Variants in MYO10 observed in about 807,000 individuals in gnomAD.
MYO10 encodes myosin X, also known as unconventional myosin-X.
MYO10 carries 133 observed loss-of-function variants against 257.3 expected under a neutral mutation model. That is an observed-to-expected ratio of 0.52 (90% CI 0.45 to 0.60). The LOEUF is 0.60. Ranked by LOEUF, MYO10 falls within the 20% of genes least tolerant of loss-of-function variation. The probability of loss-of-function intolerance (pLI) is 0.00; values close to 1 mark genes in which losing one functional copy is unlikely to be tolerated. For synonymous variants in MYO10, 1,104 were observed against 1,028.6 expected (o/e 1.07, Z -1.40); for missense variants, 2,399 against 2,635.7 (o/e 0.91, Z 1.97).
chr5:16,674,549 GAACA>G (rs1191229533), intron 35 of MYO10, among the ~76,000 whole-genome samples: 1 of 146,644 alleles, frequency 6.8e-6, no homozygotes, highest in Non-Finnish European at 1.5e-5. Context: ...CTTTGATCTG[GAACA>G]AATATCCAAG....
Position 16,671,446 on chromosome 5 carries a change from C to T in MYO10, c.5406G>A (p.Val1802=). The change falls in exon 38 of 41, where the codon GTG becomes GTA. Residue 1802 remains valine (V), a synonymous_variant. Transcript: ENST00000513610. ...LDTDNVPKDS[V]EFAFMFEQAH... is the part of the protein sequence containing the mutation. The stretch of plus-strand genomic sequence containing the variant: ...CCTGTTCAAACATAAATGCAAACTC[C>T]ACACTGTCTTTTGGCACGTTGTCTG... The T allele has an allele frequency of 6.2e-7, 1 of 1,613,968 alleles. No individual in the cohort carries two copies. Among genetic ancestry groups the T allele is most frequent in the Non-Finnish European group, 8.5e-7 (1 of 1,179,866 alleles).
intron 19 of MYO10, among the ~76,000 whole-genome samples, chr5:16,720,139 C>T (rs1739093858): frequency 1.3e-5 from 2 of 152,048 alleles, no homozygotes; most frequent in Admixed American, 1.3e-4. Flanking sequence ...AATGCAGGCC[C>T]TTCCCAGATT....
intron 39 of MYO10, among the ~76,000 whole-genome samples, chr5:16,669,937 C>T (rs558181364): frequency 5.3e-5 from 8 of 152,284 alleles, no homozygotes; most frequent in African/African-American, 1.4e-4. Flanking sequence ...AAGGAATGAG[C>T]TTGGCTGTGT....
intron 19 of MYO10, among the ~76,000 whole-genome samples, chr5:16,730,922 G>A (rs935672021): frequency 6.6e-6 from 1 of 152,196 alleles, no homozygotes; most frequent in African/African-American, 2.4e-5. Flanking sequence ...GAGGTCGTGG[G>A]CTGTCATGGG....
At chr5:16,818,699 G>A (rs984446259) in intron 2 of MYO10, among the ~76,000 whole-genome samples, 34 of 151,660 alleles carry the variant, frequency 2.2e-4, no homozygotes, top group African/African-American at 8.2e-4. Context: ...TGGCCCCCCA[G>A]AAGTGCTGGG....
chr5:16,827,477 C>T (rs1460922722), intron 2 of MYO10, among the ~76,000 whole-genome samples: 2 of 152,002 alleles, frequency 1.3e-5, no homozygotes, highest in East Asian at 1.9e-4. Context: ...AGTAGAGATG[C>T]GGTTTCACCA....
chr5:16,818,408 G>GTATATATA (rs1561000890), intron 2 of MYO10, among the ~76,000 whole-genome samples: 9 of 93,472 alleles, frequency 9.6e-5, no homozygotes, highest in African/African-American at 3.7e-4. Flanking sequence ...GTGTGTGTGT[G>GTATATATA]TGTATATATA....
chr5:16,712,480 C>A (rs1738665220), intron 19 of MYO10, among the ~76,000 whole-genome samples: 1 of 152,018 alleles, frequency 6.6e-6, no homozygotes, highest in African/African-American at 2.4e-5. Flanking sequence ...TGTTGTTATC[C>A]CACACAACTG....
chr5:16,738,087 G>A (rs934265502), intron 19 of MYO10: 1 of 970,242 alleles, frequency 1.0e-6, no homozygotes, highest in Admixed American at 6.2e-5. Flanking sequence ...TGAGGCCAAA[G>A]CTTAGAGGAG....
intron 19 of MYO10, among the ~76,000 whole-genome samples, chr5:16,728,832 T>C (rs1477702091): frequency 6.6e-6 from 1 of 152,250 alleles, no homozygotes; most frequent in African/African-American, 2.4e-5. Context: ...TGCCTGTCCA[T>C]GGCAAGATGG....
chr5:16,666,620 G>T lies in MYO10; in HGVS notation c.*72C>A. On this transcript the variant is annotated 3_prime_UTR_variant, in exon 41 of 41. Transcript: ENST00000513610. Reference sequence around the variant, plus strand: ...TCTGTGTTTGTTTTGGCTGGGCATGGCACACTGGAGCCAGCCTAGGCCAGA... The same window carrying T: ...TCTGTGTTTGTTTTGGCTGGGCATGTCACACTGGAGCCAGCCTAGGCCAGA... 1 of 1,312,826 alleles carries T rather than the reference G, an allele frequency of 7.6e-7. No individual in the cohort carries two copies. The highest frequency in any genetic ancestry group is 1.0e-6 in the Non-Finnish European group (1 of 954,244). The allele number at this position is 1,312,826 out of a possible 1,614,324, so 81.3% of individuals were successfully genotyped here.
chr5:16,788,201 G>A lies in MYO10; in HGVS notation c.468-4732C>T, dbSNP rs374384677. 3.9e-5 allele frequency among the ~76,000 whole-genome samples: 6 copies of A among 152,272 alleles called. No individual in the cohort carries two copies. The East Asian group carries it at 9.7e-4, about 25-fold the overall frequency. On this transcript the variant is annotated intron_variant, in intron 4 of 40. Coordinates refer to ENST00000513610, the MANE Select transcript of MYO10 (RefSeq NM_012334.3). ...GGGCCGCGGGGGCAGCAGAGATGAAGTGAGAGGCCCAAGAAAGACTGGAGG... is the reference window on the plus strand; with the variant it reads ...GGGCCGCGGGGGCAGCAGAGATGAAATGAGAGGCCCAAGAAAGACTGGAGG...
intron 19 of MYO10, among the ~76,000 whole-genome samples, chr5:16,746,463 A>G (rs558910506): frequency 1.3e-5 from 2 of 152,304 alleles, no homozygotes; most frequent in Admixed American, 1.3e-4. Context: ...CATCTCTGAC[A>G]CTACCACCCA....
chr5:16,668,229 G>T, intron 40 of MYO10, 48 bp downstream of exon 40: 1 of 1,538,904 alleles, frequency 6.5e-7, no homozygotes, highest in Admixed American at 2.1e-5. Flanking sequence ...CTGTTTTTCT[G>T]TTTTGTCAAG....
At chr5:16,913,174 G>GAAA (rs5866220) in intron 1 of MYO10, among the ~76,000 whole-genome samples, 3,324 of 151,084 alleles carry the variant, frequency 0.022, 67 homozygotes, top group Non-Finnish European at 0.035. Flanking sequence ...GGTTATAGAG[G>GAAA]AAAAAAAAAT....
At chr5:16,785,758 T>C (rs1741560224) in intron 4 of MYO10, among the ~76,000 whole-genome samples, 1 of 151,776 alleles carries the variant, frequency 6.6e-6, no homozygotes, top group Non-Finnish European at 1.5e-5. Context: ...TAATCCCAGC[T>C]ACATGGGAGG....
chr5:16,700,695 A>T (rs1738006133), intron 25 of MYO10, among the ~76,000 whole-genome samples: 1 of 152,168 alleles, frequency 6.6e-6, no homozygotes, highest in Admixed American at 6.5e-5. Context: ...AACAACAACA[A>T]TAAATAAATA....
intron 9 of MYO10, among the ~76,000 whole-genome samples, chr5:16,773,668 A>G (rs141943520): frequency 0.024 from 3,694 of 151,742 alleles, 148 homozygotes; most frequent in African/African-American, 0.084. Context: ...TCTCAAAAAA[A>G]AAAAAAAAAA....
chr5:16,854,712 T>G (rs1743909789), intron 2 of MYO10, among the ~76,000 whole-genome samples: 1 of 152,172 alleles, frequency 6.6e-6, no homozygotes, highest in Non-Finnish European at 1.5e-5. Flanking sequence ...ACAATCAAAC[T>G]GTTCAATTAA....
Sources: gnomAD v4.1 joint callset for allele counts (sites outside exome capture counted in the v4.1 genomes callset) on GRCh38, gnomAD v4.1.1 for gene constraint, MANE v1.5 for transcripts, NCBI Gene and HGNC (gene_info 2026-07-23, HGNC 2026-07-21) for gene names.